The following TOX2 variants were observed in gnomAD, a reference collection of about 807,000 sequenced individuals.
TOX2 encodes granulosa cell HMG box 1.
In TOX2, 15 loss-of-function variants were observed where a neutral mutation model predicts 47.4. The ratio of observed to expected loss-of-function variants is 0.32; its 90% CI spans 0.21 to 0.49. TOX2 has a LOEUF of 0.49. Ranked by LOEUF, TOX2 falls within the 20% of genes least tolerant of loss-of-function variation. The pLI is 0.99. For missense variants in TOX2, 622 were observed against 673.1 expected (o/e 0.92, Z 0.84); for synonymous variants, 290 against 296.6 (o/e 0.98, Z 0.23).
Position 44,054,349 on chromosome 20 carries a change from C to A in TOX2, c.702C>A (p.Asn234Lys). 6.2e-7 allele frequency: 1 copy of A among 1,612,294 alleles called. No individual in the cohort carries two copies. Among genetic ancestry groups the A allele is most frequent in the East Asian group, 2.2e-5 (1 of 44,868 alleles). The part of the protein sequence containing the change: ...PSADPGKKAK[N>K]PKKKKKKDPN... The stretch of plus-strand genomic sequence containing the variant: ...CCGACCCAGGAAAAAAGGCCAAGAA[C>A]CCGAAGAAGAAGAAAAAGAAGGACC... The change falls in exon 5 of 9, where the codon AAC becomes AAA. Residue 234 changes from asparagine (N) to lysine (K), a missense_variant. By Grantham distance (94) the Asn-to-Lys change is moderately conservative (BLOSUM62 0). Around this residue, in one of 3 missense-constraint regions of TOX2, gnomAD observed 307 missense variants for 327.3 expected, o/e 0.94. Transcript: ENST00000341197.
At chr20:43,946,152 C>A in intron 1 of TOX2, 2 of 1,452,646 alleles carry the variant, frequency 1.4e-6, no homozygotes, top group Non-Finnish European at 1.8e-6. Context: ...TGGTGCTTGT[C>A]ACATTCTGGA....
intron 1 of TOX2, among the ~76,000 whole-genome samples, chr20:43,918,920 G>T (rs2069085501): frequency 6.6e-6 from 1 of 152,172 alleles, no homozygotes; most frequent in Admixed American, 6.5e-5. Flanking sequence ...GGTGATACAG[G>T]TTAGGACAGT....
chr20:43,929,514 C>T (rs112796225), intron 1 of TOX2, among the ~76,000 whole-genome samples: 31 of 152,078 alleles, frequency 2.0e-4, no homozygotes, highest in Admixed American at 1.9e-3. Flanking sequence ...TGTTCTTTTG[C>T]GCTTGAGGGG....
chr20:43,924,669 A>G (rs2145835606), intron 1 of TOX2, among the ~76,000 whole-genome samples: 1 of 152,366 alleles, frequency 6.6e-6, no homozygotes, highest in South Asian at 2.1e-4. Context: ...ACCTGTAGCC[A>G]TAACATAGGC....
intron 1 of TOX2, among the ~76,000 whole-genome samples, chr20:43,951,440 G>C (rs2069564656): frequency 6.6e-6 from 1 of 151,978 alleles, no homozygotes; most frequent in African/African-American, 2.4e-5. Flanking sequence ...AGCCGGGTAT[G>C]GTGGCGCACA....
intron 1 of TOX2, among the ~76,000 whole-genome samples, chr20:43,951,702 A>ATG (rs2069568941): frequency 2.6e-5 from 1 of 38,674 alleles, no homozygotes; most frequent in African/African-American, 9.8e-5. Context: ...TATTAAACTT[A>ATG]TTATGTTTTT....
intron 1 of TOX2, among the ~76,000 whole-genome samples, chr20:43,935,881 C>T (rs1419192001): frequency 4.1e-5 from 5 of 123,216 alleles, no homozygotes; most frequent in Non-Finnish European, 7.9e-5. Flanking sequence ...GAGCCAAGAT[C>T]ATGCCATTGC....
intron 2 of TOX2, among the ~76,000 whole-genome samples, chr20:43,977,580 G>T (rs6017230): frequency 0.33 from 49,612 of 150,480 alleles, 10,172 homozygotes; most frequent in African/African-American, 0.57. Context: ...GGCTTGAAGT[G>T]TTTTTTTTTG....
At chr20:44,009,704 C>T (rs763261784) in intron 3 of TOX2, among the ~76,000 whole-genome samples, 11 of 152,182 alleles carry the variant, frequency 7.2e-5, no homozygotes, top group Admixed American at 2.0e-4. Flanking sequence ...ATGCTTGTAC[C>T]GTACTTGCTT....
chr20:43,925,156 T>C (rs1253515227), intron 1 of TOX2, among the ~76,000 whole-genome samples: 1 of 152,220 alleles, frequency 6.6e-6, no homozygotes, highest in Non-Finnish European at 1.5e-5. Context: ...CTCTGTTTTA[T>C]TGGTGATTCT....
chr20:44,024,589 T>A (rs1208445607), intron 3 of TOX2, among the ~76,000 whole-genome samples: 1 of 152,148 alleles, frequency 6.6e-6, no homozygotes, highest in Admixed American at 6.5e-5. Flanking sequence ...TCTTTTACTT[T>A]CTTCCCAAAG....
intron 1 of TOX2, among the ~76,000 whole-genome samples, chr20:43,941,158 G>C (rs931219837): frequency 4.6e-5 from 7 of 152,168 alleles, no homozygotes; most frequent in African/African-American, 1.7e-4. Context: ...AGGGTGATGT[G>C]AGGGAAGGGG....
At chr20:44,033,094 T>C (rs2071182436) in intron 3 of TOX2, among the ~76,000 whole-genome samples, 1 of 152,096 alleles carries the variant, frequency 6.6e-6, no homozygotes, top group South Asian at 2.1e-4. Flanking sequence ...GAACAAGACA[T>C]CTACATTTCA....
chr20:43,917,602 C>A (rs1446337825), intron 1 of TOX2, among the ~76,000 whole-genome samples: 5 of 152,096 alleles, frequency 3.3e-5, no homozygotes, highest in Non-Finnish European at 7.4e-5. Context: ...GGGCTCTTGG[C>A]GACCGTCCCC....
intron 3 of TOX2, among the ~76,000 whole-genome samples, chr20:44,008,487 G>A (rs1049284957): frequency 3.3e-5 from 5 of 152,100 alleles, no homozygotes; most frequent in Non-Finnish European, 5.9e-5. Context: ...TTGAACCTGG[G>A]AGGTAAAGGT....
In TOX2 at chr20:44,065,836, A is replaced by C; in HGVS notation, c.1085A>C (p.Gln362Pro). The C allele has an allele frequency of 6.2e-7, 1 of 1,613,824 alleles. No homozygotes were observed. Among genetic ancestry groups the C allele is most frequent in the East Asian group, 2.2e-5 (1 of 44,870 alleles). ...LASFLTPSDL[Q>P]AFRSGASPAS... ...TCCTTCCTGACGCCGTCGGACCTGC[A>C]GGCCTTCCGCAGTGGGGCCTCCCCT... Residue 362 changes from glutamine (Q) to proline (P), a missense_variant, in exon 7 of 9, where the codon CAG becomes CCG. Physicochemically the swap from Gln to Pro is moderately conservative, Grantham distance 76. Around this residue, in one of 3 missense-constraint regions of TOX2, gnomAD observed 294 missense variants for 300.0 expected, o/e 0.98. Transcript: ENST00000341197.
At chr20:43,986,256 AATGTATGTATGT>A (rs11274396) in intron 2 of TOX2, among the ~76,000 whole-genome samples, 6 of 149,660 alleles carry the variant, frequency 4.0e-5, no homozygotes, top group Non-Finnish European at 7.4e-5. Flanking sequence ...AGCCTTTTAA[AATGTATGTATGT>A]ATGTATGTAT....
intron 5 of TOX2, among the ~76,000 whole-genome samples, chr20:44,057,067 C>T (rs2071632045): frequency 6.6e-6 from 1 of 152,128 alleles, no homozygotes; most frequent in Non-Finnish European, 1.5e-5. Flanking sequence ...CCATGCATCA[C>T]CATGCCCCAC....
chr20:43,957,969 C>T (rs922710129), intron 1 of TOX2, among the ~76,000 whole-genome samples: 1 of 152,194 alleles, frequency 6.6e-6, no homozygotes, highest in African/African-American at 2.4e-5. Flanking sequence ...ATCCAATTAC[C>T]TCACCATGTC....
Sources: allele counts gnomAD v4.1 joint callset (sites outside exome capture counted in the v4.1 genomes callset), GRCh38; gene constraint gnomAD v4.1.1; regional missense constraint gnomAD v4.1.1; transcripts MANE v1.5; gene names NCBI Gene and HGNC (gene_info 2026-07-23, HGNC 2026-07-21).